The following MATCAP2 variants were observed in gnomAD, a reference collection of about 807,000 sequenced individuals.
MATCAP2 encodes the protein putative tyrosine carboxypeptidase MATCAP2.
the MATCAP2 span, chr7:36,366,641 G>T: frequency 2.1e-5 from 32 of 1,510,848 alleles, no homozygotes; most frequent in African/African-American, 2.8e-5. Flanking sequence ...TTGTACCTTT[G>T]TAAGACCAGC....
At chr7:36,361,280 G>A in the MATCAP2 span, among the ~76,000 whole-genome samples, 25 of 152,164 alleles carry the variant, frequency 1.6e-4, no homozygotes, top group Admixed American at 9.2e-4. Flanking sequence ...AAGAATGGGG[G>A]AAAAGGGAGA....
chr7:36,377,986 C>T, the MATCAP2 span, among the ~76,000 whole-genome samples: 6 of 152,156 alleles, frequency 3.9e-5, no homozygotes, highest in Admixed American at 2.0e-4. Context: ...ACTGTTTATT[C>T]TAGTTAGCCA....
At chr7:36,382,517 G>T in the MATCAP2 span, among the ~76,000 whole-genome samples, 1 of 151,752 alleles carries the variant, frequency 6.6e-6, no homozygotes, top group Non-Finnish European at 1.5e-5. Flanking sequence ...TTTTGAGATG[G>T]AGTCTCGCCT....
the MATCAP2 span, among the ~76,000 whole-genome samples, chr7:36,359,908 G>A: frequency 6.6e-6 from 1 of 152,048 alleles, no homozygotes; most frequent in Non-Finnish European, 1.5e-5. Context: ...AGGTGATAAT[G>A]AAAAGAAAAC....
the MATCAP2 span, among the ~76,000 whole-genome samples, chr7:36,338,455 G>A: frequency 1.3e-5 from 2 of 151,660 alleles, no homozygotes; most frequent in Non-Finnish European, 2.9e-5. Context: ...ACACCACCAT[G>A]CTGGCTAATT....
chr7:36,337,735 A>C, the MATCAP2 span: 1 of 152,188 alleles, frequency 6.6e-6, no homozygotes, highest in Non-Finnish European at 1.5e-5. Flanking sequence ...CCTGTAACTG[A>C]TGTGAACAAT....
chr7:36,333,319 A>G, the MATCAP2 span, among the ~76,000 whole-genome samples: 1 of 152,184 alleles, frequency 6.6e-6, no homozygotes. Flanking sequence ...GTAAATCTAG[A>G]GATGAAAAGA....
chr7:36,335,103 T>G, the MATCAP2 span: 1 of 1,613,898 alleles, frequency 6.2e-7, no homozygotes, highest in African/African-American at 1.3e-5. Context: ...GACACATTGA[T>G]AGTCAGAGTC....
At chr7:36,334,432 G>A in the MATCAP2 span, among the ~76,000 whole-genome samples, 1 of 150,262 alleles carries the variant, frequency 6.7e-6, no homozygotes. Flanking sequence ...CTACTCAGGA[G>A]GCTGAGGTGA....
the MATCAP2 span, among the ~76,000 whole-genome samples, chr7:36,377,742 C>T: frequency 1.3e-5 from 2 of 152,152 alleles, no homozygotes; most frequent in African/African-American, 4.8e-5. Flanking sequence ...GTACACCAAT[C>T]AAAAATAGAT....
chr7:36,333,878 T>C, the MATCAP2 span: 1 of 1,611,526 alleles, frequency 6.2e-7, no homozygotes, highest in Non-Finnish European at 8.5e-7. Flanking sequence ...TATCAGTCCA[T>C]CCCCTCTTGG....
At chr7:36,386,182 A>G in the MATCAP2 span, among the ~76,000 whole-genome samples, 1 of 152,148 alleles carries the variant, frequency 6.6e-6, no homozygotes, top group Non-Finnish European at 1.5e-5. Flanking sequence ...AAGTTGATAT[A>G]TGATAAAAGT....
chr7:36,355,891 A>T, the MATCAP2 span: 3 of 152,224 alleles, frequency 2.0e-5, no homozygotes, highest in African/African-American at 7.2e-5. Flanking sequence ...TTCTTCTCAA[A>T]TGCTTAAATG....
chr7:36,356,826 T>C, the MATCAP2 span: 2 of 1,208,654 alleles, frequency 1.7e-6, no homozygotes, highest in East Asian at 2.4e-5. Context: ...TAAATGTCTT[T>C]GTTTTTGCTT....
At chr7:36,377,888 C>T in the MATCAP2 span, among the ~76,000 whole-genome samples, 10 of 152,148 alleles carry the variant, frequency 6.6e-5, no homozygotes, top group African/African-American at 1.2e-4. Context: ...TCCACTTGAT[C>T]GAATCAGCTA....
At chr7:36,376,937 T>G in the MATCAP2 span, among the ~76,000 whole-genome samples, 2 of 152,010 alleles carry the variant, frequency 1.3e-5, no homozygotes, top group African/African-American at 4.8e-5. Flanking sequence ...TTTTTTTTAT[T>G]TTTTATTTTT....
the MATCAP2 span, among the ~76,000 whole-genome samples, chr7:36,328,251 G>GGGGGCC: frequency 9.6e-6 from 1 of 104,216 alleles, no homozygotes; most frequent in Admixed American, 9.2e-5. Context: ...GGGGGGGGGG[G>GGGGGCC]TCTTGCTATG....
the MATCAP2 span, chr7:36,331,172 G>A: frequency 1.5e-6 from 1 of 662,910 alleles, no homozygotes; most frequent in Non-Finnish European, 2.7e-6. Flanking sequence ...AATCAGTCCT[G>A]TATTAAAAAT....
the MATCAP2 span, among the ~76,000 whole-genome samples, chr7:36,363,819 A>C: frequency 1.8e-4 from 28 of 152,218 alleles, no homozygotes; most frequent in Non-Finnish European, 3.2e-4. Context: ...AATATGTGTG[A>C]AGTGCTGAGA....
Sources: allele counts gnomAD v4.1 joint callset (sites outside exome capture counted in the v4.1 genomes callset), GRCh38; gene constraint gnomAD v4.1.1; transcripts MANE v1.5; gene names NCBI Gene and HGNC (gene_info 2026-07-23, HGNC 2026-07-21).